RAP1A: variants seen among roughly 807,000 people sequenced by gnomAD.
The protein encoded by RAP1A is RAP1A, member of RAS oncogene family, also known as ras-related protein Rap-1A.
Under a neutral mutation model 26.4 loss-of-function variants are expected in RAP1A, and 6 were observed. The observed-to-expected ratio is 0.23, with a 90% confidence interval of 0.12 to 0.45. The LOEUF is 0.45. RAP1A is among the 20% of genes least tolerant of loss of function. RAP1A has a pLI of 0.99. For missense variants in RAP1A, 121 were observed against 217.2 expected (o/e 0.56, Z 2.78); for synonymous variants, 73 against 79.4 (o/e 0.92, Z 0.43).
chr1:111,587,110 C>G (rs539004558), intron 1 of RAP1A, among the ~76,000 whole-genome samples: 6 of 152,084 alleles, frequency 3.9e-5, no homozygotes, highest in Non-Finnish European at 1.5e-5. Flanking sequence ...TGTTTTTCCA[C>G]CATTCTATGA....
intron 1 of RAP1A, among the ~76,000 whole-genome samples, chr1:111,643,756 T>C (rs1200655413): frequency 1.3e-5 from 2 of 151,282 alleles, no homozygotes; most frequent in Non-Finnish European, 2.9e-5. Context: ...AGGTCTTCTC[T>C]CAGAGAACTG....
intron 1 of RAP1A, among the ~76,000 whole-genome samples, 194 bp downstream of exon 1, chr1:111,620,128 C>G (rs1176856488): frequency 6.6e-6 from 1 of 152,120 alleles, no homozygotes; most frequent in African/African-American, 2.4e-5. Flanking sequence ...GGAGGCCCGG[C>G]CGCCGCCAGG....
chr1:111,683,307 A>G (rs1316745736), intron 1 of RAP1A, among the ~76,000 whole-genome samples: 1 of 152,158 alleles, frequency 6.6e-6, no homozygotes, highest in Non-Finnish European at 1.5e-5. Flanking sequence ...AAGACAAGAA[A>G]TAACTAAGAT....
upstream of RAP1A, among the ~76,000 whole-genome samples, chr1:111,615,999 G>A (rs952192678): frequency 6.6e-6 from 1 of 152,170 alleles, no homozygotes; most frequent in Non-Finnish European, 1.5e-5. Flanking sequence ...GACTAATTAG[G>A]CATAGAATGA....
chr1:111,605,808 T>C (rs1658761263), intron 1 of RAP1A, among the ~76,000 whole-genome samples: 1 of 152,214 alleles, frequency 6.6e-6, no homozygotes, highest in Non-Finnish European at 1.5e-5. Flanking sequence ...GTTCAGGCAG[T>C]GCAGCTGGGG....
chr1:111,676,997 T>C (rs940052918), intron 1 of RAP1A, among the ~76,000 whole-genome samples: 3 of 152,166 alleles, frequency 2.0e-5, no homozygotes, highest in African/African-American at 7.2e-5. Context: ...TTTCACCATA[T>C]TGGCCAGGCC....
intron 1 of RAP1A, among the ~76,000 whole-genome samples, chr1:111,551,099 T>C (rs1390570069): frequency 2.6e-5 from 4 of 152,224 alleles, no homozygotes; most frequent in African/African-American, 9.6e-5. Context: ...TCTTTTCTCA[T>C]TCTTTTACTT....
At chr1:111,658,272 T>G (rs1202113267) in intron 1 of RAP1A, among the ~76,000 whole-genome samples, 1 of 152,150 alleles carries the variant, frequency 6.6e-6, no homozygotes, top group African/African-American at 2.4e-5. Context: ...CACACATCAC[T>G]TAACAACATA....
At chr1:111,570,717 C>T (rs1003569307) in intron 1 of RAP1A, among the ~76,000 whole-genome samples, 1 of 152,128 alleles carries the variant, frequency 6.6e-6, no homozygotes, top group African/African-American at 2.4e-5. Flanking sequence ...AAAGGGGAAG[C>T]AAACATGTAT....
chr1:111,588,124 C>T (rs1223913234), intron 1 of RAP1A, among the ~76,000 whole-genome samples: 2 of 152,174 alleles, frequency 1.3e-5, no homozygotes, highest in Admixed American at 6.5e-5. Context: ...CTCTTCCTGC[C>T]TCAGGTGTCA....
intron 1 of RAP1A, among the ~76,000 whole-genome samples, chr1:111,561,918 C>T (rs999876894): frequency 6.6e-6 from 1 of 151,638 alleles, no homozygotes; most frequent in Non-Finnish European, 1.5e-5. Flanking sequence ...TCCTCCTTGC[C>T]CCTGGCCTCT....
At chr1:111,707,221 AG>A (rs1662221761) in intron 6 of RAP1A, among the ~76,000 whole-genome samples, 1 of 152,180 alleles carries the variant, frequency 6.6e-6, no homozygotes, top group Non-Finnish European at 1.5e-5. Flanking sequence ...TAAATCATTC[AG>A]GTTTTTTTTT....
At chr1:111,634,455 T>C (rs964462093) in intron 1 of RAP1A, among the ~76,000 whole-genome samples, 2 of 151,196 alleles carry the variant, frequency 1.3e-5, no homozygotes, top group Non-Finnish European at 3.0e-5. Flanking sequence ...ATGTAGAATA[T>C]AGGCTAAAAG....
chr1:111,656,303 C>T (rs956575333), intron 1 of RAP1A, among the ~76,000 whole-genome samples: 3 of 152,078 alleles, frequency 2.0e-5, no homozygotes, highest in Non-Finnish European at 4.4e-5. Flanking sequence ...AAGCAGTAAA[C>T]CTAGTCTTGA....
rs990768480 is a variant in RAP1A, at chr1:111,568,992, CATATA to C, written c.-28+26489_-28+26493del. ...TAGTATAAAAATACAATATATAATACATATAATATACAAAATTTTATTTTGCATAT... is the reference window on the plus strand; with the variant it reads ...TAGTATAAAAATACAATATATAATACATATACAAAATTTTATTTTGCATAT... On this transcript the variant is annotated intron_variant, in intron 1 of 7. Coordinates refer to the RAP1A transcript ENST00000356415. Among the ~76,000 whole-genome samples the C allele has an allele frequency of 5.9e-5, 9 of 152,034 alleles. No homozygotes were observed. In the South Asian group the frequency reaches 8.3e-4, roughly 14 times the overall value.
intron 6 of RAP1A, among the ~76,000 whole-genome samples, chr1:111,708,870 T>G (rs924161903): frequency 2.0e-5 from 3 of 152,206 alleles, no homozygotes; most frequent in African/African-American, 7.2e-5. Context: ...TTTTTGCAAC[T>G]TTTCCGTTGG....
chr1:111,601,755 T>C (rs891157698), intron 1 of RAP1A, among the ~76,000 whole-genome samples: 2 of 152,200 alleles, frequency 1.3e-5, no homozygotes, highest in African/African-American at 4.8e-5. Flanking sequence ...TTTTGTGCCT[T>C]TCATTTGTAA....
chr1:111,610,525 C>T (rs1351766106), intron 1 of RAP1A, among the ~76,000 whole-genome samples: 1 of 144,550 alleles, frequency 6.9e-6, no homozygotes, highest in African/African-American at 2.6e-5. Context: ...CACTACTTCC[C>T]TCCACCCAAC....
intron 7 of RAP1A, among the ~76,000 whole-genome samples, chr1:111,711,508 T>C (rs1662384754): frequency 6.6e-6 from 1 of 152,226 alleles, no homozygotes; most frequent in African/African-American, 2.4e-5. Context: ...ACTTTAGTCT[T>C]GCTTGCATAA....
Sources: allele counts gnomAD v4.1 joint callset (sites outside exome capture counted in the v4.1 genomes callset), GRCh38; gene constraint gnomAD v4.1.1; transcripts MANE v1.5; gene names NCBI Gene and HGNC (gene_info 2026-07-23, HGNC 2026-07-21).